The following ATP2C1 variants were observed in gnomAD, a reference collection of about 807,000 sequenced individuals.
ATP2C1 encodes the protein calcium-transporting ATPase type 2C member 1.
Under a neutral mutation model 120.5 loss-of-function variants are expected in ATP2C1, and 31 were observed. The ratio of observed to expected loss-of-function variants is 0.26; its 90% CI spans 0.19 to 0.35. The LOEUF is 0.35. Among genes scored for constraint, ATP2C1 ranks in the 10% least tolerant of loss-of-function variants. The pLI, the probability that ATP2C1 is intolerant of heterozygous loss-of-function variation, is 1.00. For synonymous variants in ATP2C1, 351 were observed against 358.7 expected (o/e 0.98, Z 0.24); for missense variants, 731 against 1,107.5 (o/e 0.66, Z 4.83).
In ATP2C1 at chr3:131,003,145, A is replaced by G. The variant is rs2062971450; in HGVS notation, c.*1795A>G. 1.0e-6 allele frequency: 1 copy of G among 982,444 alleles called. No individual in the cohort carries two copies. The highest frequency in any genetic ancestry group is 1.2e-6 in the Non-Finnish European group (1 of 826,968). The allele number at this position is 982,444 out of a possible 1,614,324, so 60.9% of individuals were successfully genotyped here. A position where few individuals can be genotyped will look rare whatever the true frequency, so the allele number is the denominator to read the frequency against. ...CTATAAAAATAAAAATGATTTCTTA[A>G]GTTAATGACATCCCAGTGGGGACTA... On this transcript the variant is annotated 3_prime_UTR_variant, in exon 28 of 28. Coordinates refer to ENST00000510168, the MANE Select transcript of ATP2C1 (RefSeq NM_001378687.1).
chr3:130,960,225 C>A (rs1048684495), intron 12 of ATP2C1, among the ~76,000 whole-genome samples: 2 of 152,160 alleles, frequency 1.3e-5, no homozygotes, highest in African/African-American at 4.8e-5. Context: ...TTCCAACTCA[C>A]AAGACTTTCA....
chr3:130,851,655 T>G (rs2067681138), intron 1 of ATP2C1, among the ~76,000 whole-genome samples: 1 of 152,276 alleles, frequency 6.6e-6, no homozygotes. Context: ...AAATGATTTT[T>G]ATGAATTTTA....
intron 2 of ATP2C1, among the ~76,000 whole-genome samples, chr3:130,920,259 C>T (rs565364805): frequency 3.3e-5 from 5 of 152,236 alleles, no homozygotes; most frequent in South Asian, 2.1e-4. Flanking sequence ...AGATAATCGC[C>T]GACACCAGTG....
At chr3:130,907,128 G>T (rs377451259) in intron 2 of ATP2C1, among the ~76,000 whole-genome samples, 15 of 151,660 alleles carry the variant, frequency 9.9e-5, no homozygotes, top group Admixed American at 3.9e-4. Context: ...TACTGGATAG[G>T]AATATATTCT....
intron 2 of ATP2C1, among the ~76,000 whole-genome samples, chr3:130,929,320 G>T (rs1308657076): frequency 2.6e-5 from 4 of 152,000 alleles, no homozygotes; most frequent in Admixed American, 2.6e-4. Context: ...TTTTTCCTCA[G>T]CAATTTACTA....
At chr3:130,877,912 G>A (rs550082714) in intron 1 of ATP2C1, among the ~76,000 whole-genome samples, 1 of 152,162 alleles carries the variant, frequency 6.6e-6, no homozygotes, top group East Asian at 1.9e-4. Flanking sequence ...TGATAGACTG[G>A]ATTAAGAAAA....
At chr3:130,877,784 C>T (rs2068652432) in intron 1 of ATP2C1, among the ~76,000 whole-genome samples, 1 of 152,160 alleles carries the variant, frequency 6.6e-6, no homozygotes, top group Non-Finnish European at 1.5e-5. Flanking sequence ...CATCCCATTA[C>T]TGGGTATATA....
intron 2 of ATP2C1, among the ~76,000 whole-genome samples, chr3:130,906,612 C>G (rs535023304): frequency 6.6e-6 from 1 of 151,368 alleles, no homozygotes; most frequent in South Asian, 2.1e-4. Flanking sequence ...TTTTTCATTC[C>G]CACTAGCAGT....
chr3:130,958,182 TA>T (rs1369296020), intron 11 of ATP2C1, among the ~76,000 whole-genome samples: 3 of 152,216 alleles, frequency 2.0e-5, no homozygotes, highest in Non-Finnish European at 4.4e-5. Flanking sequence ...ACATTGGACA[TA>T]ATTTTTCTTG....
chr3:130,959,192 C>A, intron 11 of ATP2C1, 83 bp from the exon 12 acceptor site: 1 of 976,746 alleles, frequency 1.0e-6, no homozygotes, highest in Non-Finnish European at 1.6e-6. Flanking sequence ...TGTCAAGGGA[C>A]GTTTTAGATT....
chr3:130,864,182 C>T (rs554434030), intron 1 of ATP2C1, among the ~76,000 whole-genome samples: 1 of 152,294 alleles, frequency 6.6e-6, no homozygotes, highest in African/African-American at 2.4e-5. Flanking sequence ...AGATGAGGAA[C>T]TTGTTGAGAA....
At chr3:130,966,856 G>A (rs574434130) in intron 14 of ATP2C1, among the ~76,000 whole-genome samples, 1 of 152,216 alleles carries the variant, frequency 6.6e-6, no homozygotes, top group South Asian at 2.1e-4. Flanking sequence ...TGTCATATAA[G>A]TTTAAGCTTA....
intron 2 of ATP2C1, among the ~76,000 whole-genome samples, chr3:130,895,262 CA>C (rs948897584): frequency 2.0e-5 from 3 of 151,588 alleles, no homozygotes; most frequent in Admixed American, 1.3e-4. Context: ...TTTCAATTCA[CA>C]AAAAAAACCC....
At chr3:130,850,840 C>A (rs985983480) in exon 1 of ATP2C1, 24 of 1,451,548 alleles carry the variant, frequency 1.7e-5, no homozygotes, top group Admixed American at 2.4e-5. Flanking sequence ...CTGTTGCCTC[C>A]ATCTAGATTC....
intron 12 of ATP2C1, among the ~76,000 whole-genome samples, chr3:130,962,663 C>G (rs560648142): frequency 2.2e-5 from 3 of 137,844 alleles, no homozygotes; most frequent in Admixed American, 1.5e-4. Context: ...TGAAAAGATT[C>G]GTTGTATCTA....
At chr3:130,930,281 T>A in intron 2 of ATP2C1, 135 bp from the exon 3 acceptor site, 2 of 700,764 alleles carry the variant, frequency 2.9e-6, no homozygotes, top group Non-Finnish European at 5.3e-6. Flanking sequence ...CTATTAGGAC[T>A]AGCTACGTAA....
At position 130,877,443 on chromosome 3, in the gene ATP2C1, A is replaced by T. The variant is rs539924889; in HGVS notation, c.108+26515A>T. ...CCAAGGACTTAAACAAATTTACAAG[A>T]AAAAATCAAACAACCCCATCAAAGA... On this transcript the variant is annotated intron_variant, in intron 1 of 26. Transcript: ENST00000504381. 7.7e-4 allele frequency among the ~76,000 whole-genome samples: 117 copies of T among 152,304 alleles called. 1 individual carries two copies. The highest frequency in any genetic ancestry group is 2.8e-3 in the African/African-American group (115 of 41,572).
At chr3:130,991,661 G>A (rs1168432218) in intron 20 of ATP2C1, among the ~76,000 whole-genome samples, 1 of 152,126 alleles carries the variant, frequency 6.6e-6, no homozygotes, top group Admixed American at 6.5e-5. Context: ...GTATACTGAC[G>A]GTAAAGATAT....
intron 8 of ATP2C1, among the ~76,000 whole-genome samples, chr3:130,945,920 CT>C (rs2060133995): frequency 7.1e-6 from 1 of 140,386 alleles, no homozygotes; most frequent in African/African-American, 2.6e-5. Flanking sequence ...TTTTTTTGGT[CT>C]TTTGAAAATA....
Sources: allele counts gnomAD v4.1 joint callset (sites outside exome capture counted in the v4.1 genomes callset), GRCh38; gene constraint gnomAD v4.1.1; transcripts MANE v1.5; gene names NCBI Gene and HGNC (gene_info 2026-07-23, HGNC 2026-07-21).